Variants in VPS50 observed in about 807,000 individuals in gnomAD.
The protein encoded by VPS50 is syndetin.
In VPS50, 70 loss-of-function variants were observed where a neutral mutation model predicts 139.7. The ratio of observed to expected loss-of-function variants is 0.50; its 90% CI spans 0.41 to 0.61. VPS50 has a LOEUF of 0.61. Among genes scored for constraint, VPS50 ranks in the 20% least tolerant of loss-of-function variants. VPS50 has a pLI of 0.00. For missense variants in VPS50, 921 were observed against 1,133.7 expected (o/e 0.81, Z 2.69); for synonymous variants, 365 against 376.7 (o/e 0.97, Z 0.36).
chr7:93,233,611 T>A (rs1328031297), intron 1 of VPS50, among the ~76,000 whole-genome samples: 3 of 152,206 alleles, frequency 2.0e-5, no homozygotes. Context: ...GAAAATATAA[T>A]CAAAATGTTC....
chr7:93,289,526 A>G (rs989713170), intron 12 of VPS50, among the ~76,000 whole-genome samples: 1 of 152,086 alleles, frequency 6.6e-6, no homozygotes, highest in African/African-American at 2.4e-5. Context: ...ATATTTTTAT[A>G]TAGTAAAATC....
At position 93,309,018 on chromosome 7, in the gene VPS50, A is replaced by G. The variant is rs547672101; in HGVS notation, c.1748+76A>G. Reference sequence around the variant, plus strand: ...ACATATAGGATTTCCTTTAAGGTTAAGAAGAAACAAAAATTATTTTTTTTG... The same window carrying G: ...ACATATAGGATTTCCTTTAAGGTTAGGAAGAAACAAAAATTATTTTTTTTG... On this transcript the variant is annotated intron_variant, in intron 19 of 27. Coordinates refer to ENST00000305866, the MANE Select transcript of VPS50 (RefSeq NM_017667.4). The G allele has an allele frequency of 2.6e-5, 18 of 681,738 alleles. 1 individual carries two copies. The South Asian group carries it at 3.6e-4, about 14-fold the overall frequency. The allele number at this position is 681,738 out of a possible 1,614,324, so 42.2% of individuals were successfully genotyped here.
chr7:93,286,472 C>T (rs1397335121), intron 12 of VPS50, among the ~76,000 whole-genome samples: 1 of 152,068 alleles, frequency 6.6e-6, no homozygotes, highest in Non-Finnish European at 1.5e-5. Context: ...ATCTCTAACA[C>T]GTTTATGAAA....
At chr7:93,241,057 C>A (rs1048124558) in intron 2 of VPS50, among the ~76,000 whole-genome samples, 1 of 152,094 alleles carries the variant, frequency 6.6e-6, no homozygotes, top group African/African-American at 2.4e-5. Flanking sequence ...GACAATAATT[C>A]TCTTTATTTC....
chr7:93,276,466 A>G, intron 12 of VPS50, 161 bp downstream of exon 12: 1 of 1,214,334 alleles, frequency 8.2e-7, no homozygotes, highest in Non-Finnish European at 1.1e-6. Context: ...CTTATAGAGA[A>G]GTTGGAGGAC....
chr7:93,294,091 C>A (rs191589900), intron 13 of VPS50, among the ~76,000 whole-genome samples: 1 of 152,184 alleles, frequency 6.6e-6, no homozygotes, highest in African/African-American at 2.4e-5. Context: ...GTGGATAAAA[C>A]TATTATTTAT....
chr7:93,278,962 A>T (rs1203328435), intron 12 of VPS50, among the ~76,000 whole-genome samples: 1 of 152,170 alleles, frequency 6.6e-6, no homozygotes, highest in Non-Finnish European at 1.5e-5. Context: ...GTGCTAAAAC[A>T]TTAGTTGAAG....
chr7:93,250,624 A>G lies in VPS50; in HGVS notation c.103-2029A>G, dbSNP rs1795293946. On this transcript the variant is annotated intron_variant, in intron 2 of 27. Transcript: ENST00000305866. ...AAACCTAGGCAATACCATTCAGGAC[A>G]TAGGCATGGGCAAAGACTTCATGAC... is the stretch of plus-strand genomic sequence containing the variant. Among the ~76,000 whole-genome samples the G allele has an allele frequency of 2.0e-5, 3 of 152,216 alleles. No homozygotes were observed. The South Asian group carries it at 6.2e-4, about 31-fold the overall frequency.
At chr7:93,346,847 C>T (rs867957794) in intron 23 of VPS50, among the ~76,000 whole-genome samples, 54 of 137,038 alleles carry the variant, frequency 3.9e-4, no homozygotes, top group Non-Finnish European at 1.8e-4. Context: ...AAGACTTAAA[C>T]GTTAGACCTA....
intron 12 of VPS50, among the ~76,000 whole-genome samples, chr7:93,289,784 A>G (rs1757001392): frequency 6.6e-6 from 1 of 152,052 alleles, no homozygotes; most frequent in South Asian, 2.1e-4. Context: ...CATCTAAGTG[A>G]TGTGCGATGC....
At chr7:93,277,966 T>A (rs968757505) in intron 12 of VPS50, among the ~76,000 whole-genome samples, 1 of 152,096 alleles carries the variant, frequency 6.6e-6, no homozygotes, top group Non-Finnish European at 1.5e-5. Flanking sequence ...AAGCAATTTA[T>A]TATGTTAGCA....
intron 20 of VPS50, among the ~76,000 whole-genome samples, chr7:93,316,119 G>C (rs1047944731): frequency 6.6e-6 from 1 of 152,214 alleles, no homozygotes; most frequent in African/African-American, 2.4e-5. Context: ...GGTTCTCATA[G>C]ATGAAGTTGG....
intron 20 of VPS50, among the ~76,000 whole-genome samples, chr7:93,312,433 T>G (rs1797296254): frequency 6.6e-6 from 1 of 152,164 alleles, no homozygotes; most frequent in Admixed American, 6.5e-5. Context: ...AGCTTCTGTT[T>G]CATGACTCCC....
At chr7:93,303,898 A>G (rs377019121) in intron 17 of VPS50, among the ~76,000 whole-genome samples, 15 of 151,844 alleles carry the variant, frequency 9.9e-5, no homozygotes, top group Non-Finnish European at 3.0e-5. Flanking sequence ...ATATTTTGGC[A>G]TAGTTTAATA....
intron 21 of VPS50, among the ~76,000 whole-genome samples, chr7:93,330,067 A>G (rs1797889747): frequency 6.6e-6 from 1 of 152,194 alleles, no homozygotes. Flanking sequence ...AAATCATAGC[A>G]TAGTCTTCCT....
At chr7:93,236,153 G>A (rs569899168) in intron 1 of VPS50, among the ~76,000 whole-genome samples, 1 of 152,194 alleles carries the variant, frequency 6.6e-6, no homozygotes, top group Non-Finnish European at 1.5e-5. Flanking sequence ...AAAAGAGTAA[G>A]GAGTGATTAG....
At chr7:93,335,973 T>C (rs1798059968) in intron 22 of VPS50, among the ~76,000 whole-genome samples, 1 of 152,240 alleles carries the variant, frequency 6.6e-6, no homozygotes, top group Non-Finnish European at 1.5e-5. Flanking sequence ...TTAGAAAATA[T>C]ATTTGTCATT....
chr7:93,244,998 A>G (rs1795106000), intron 2 of VPS50, among the ~76,000 whole-genome samples: 1 of 151,912 alleles, frequency 6.6e-6, no homozygotes, highest in South Asian at 2.1e-4. Flanking sequence ...TTATGGAACC[A>G]GGCAGTTACT....
intron 9 of VPS50, among the ~76,000 whole-genome samples, chr7:93,261,753 C>A (rs1299424813): frequency 6.7e-6 from 1 of 149,384 alleles, no homozygotes. Context: ...GCATTCGGAT[C>A]TAACTCTCCT....
Sources: gnomAD v4.1 joint callset for allele counts (sites outside exome capture counted in the v4.1 genomes callset) on GRCh38, gnomAD v4.1.1 for gene constraint, MANE v1.5 for transcripts, NCBI Gene and HGNC (gene_info 2026-07-23, HGNC 2026-07-21) for gene names.